Variants in SEMA6A observed in about 807,000 individuals in gnomAD.
SEMA6A encodes the protein semaphorin 6A.
Under a neutral mutation model 96.8 loss-of-function variants are expected in SEMA6A, and 25 were observed. That is an observed-to-expected ratio of 0.26 (90% CI 0.19 to 0.36). SEMA6A has a LOEUF of 0.36. SEMA6A is among the 10% of genes least tolerant of loss of function. The probability of loss-of-function intolerance (pLI) is 1.00; values close to 1 mark genes in which losing one functional copy is unlikely to be tolerated. For synonymous variants in SEMA6A, 612 were observed against 518.0 expected, an observed-to-expected ratio of 1.18 and a Z score of -2.46; for missense variants, 1,363 against 1,323.1, an observed-to-expected ratio of 1.03 and a Z score of -0.47.
rs11955882 is a variant in SEMA6A, at chr5:116,497,431, A to G, written c.219-44T>C. 6.0e-3 allele frequency: 7,375 copies of G among 1,226,298 alleles called. 387 individuals are homozygous for G. The African/African-American group carries it at 0.099, about 16-fold the overall frequency. 76.0% of individuals were successfully genotyped at this position (1,226,298 alleles called of 1,614,324 possible). A position where few individuals can be genotyped will look rare whatever the true frequency, so the allele number is the denominator to read the frequency against. On this transcript the variant is annotated intron_variant, in intron 3 of 18. Coordinates refer to ENST00000343348, the MANE Select transcript of SEMA6A (RefSeq NM_020796.5). ...TAATACAAGGTCAAACACAGAGTCA[A>G]AACAGTTCATTTTCTGCTTAATGAG...
chr5:116,477,121 A>C (rs1756494621), intron 15 of SEMA6A, among the ~76,000 whole-genome samples: 1 of 152,242 alleles, frequency 6.6e-6, no homozygotes, highest in Admixed American at 6.5e-5. Context: ...TGCCTGCCAC[A>C]ACCCATCAAA....
intron 1 of SEMA6A, among the ~76,000 whole-genome samples, chr5:116,531,308 A>G (rs1179828039): frequency 1.3e-5 from 2 of 152,178 alleles, no homozygotes; most frequent in Non-Finnish European, 2.9e-5. Flanking sequence ...CTCAATGACT[A>G]CAACACAAAG....
intron 3 of SEMA6A, among the ~76,000 whole-genome samples, 188 bp downstream of exon 3, chr5:116,502,022 T>G (rs983418624): frequency 6.6e-6 from 1 of 152,214 alleles, no homozygotes; most frequent in Non-Finnish European, 1.5e-5. Flanking sequence ...TCTATTTAAA[T>G]CCACATAGGG....
chr5:116,470,851 G>A (rs1756085804), intron 17 of SEMA6A, among the ~76,000 whole-genome samples: 1 of 152,124 alleles, frequency 6.6e-6, no homozygotes, highest in South Asian at 2.1e-4. Context: ...TTTTACTTTG[G>A]AATTGGCTTT....
In SEMA6A at chr5:116,447,363, C is replaced by A; in HGVS notation, c.2343G>T (p.Gln781His). 6.2e-7 allele frequency: 1 copy of A among 1,614,004 alleles called. No homozygotes were observed. Among genetic ancestry groups the A allele is most frequent in the Non-Finnish European group, 8.5e-7 (1 of 1,179,894 alleles). Residue 781 changes from glutamine to histidine, a missense_variant, in exon 19 of 19, where the codon CAG becomes CAT. This residue lies in a region of SEMA6A where 883 missense variants were observed against 763.6 expected (regional missense o/e 1.16). Coordinates refer to ENST00000343348, the MANE Select transcript of SEMA6A (RefSeq NM_020796.5). ...SRGSREWERN[Q>H]NLINACTKDM... ...CCTTTGTGCAGGCATTGATGAGGTT[C>A]TGGTTCCTCTCCCACTCGCGGCTGC...
chr5:116,501,078 A>G (rs1480267174), intron 3 of SEMA6A, among the ~76,000 whole-genome samples: 4 of 151,954 alleles, frequency 2.6e-5, no homozygotes, highest in Admixed American at 6.5e-5. Flanking sequence ...GAGCCAGGAA[A>G]GACCACAGGG....
chr5:116,448,626 G>C (rs368283526), intron 18 of SEMA6A, among the ~76,000 whole-genome samples: 1 of 152,084 alleles, frequency 6.6e-6, no homozygotes, highest in African/African-American at 2.4e-5. Flanking sequence ...CGGAGCCTCC[G>C]TCTGGGGAAA....
At chr5:116,492,472 C>G (rs974274592) in intron 6 of SEMA6A, 2 of 152,216 alleles carry the variant, frequency 1.3e-5, no homozygotes, top group African/African-American at 4.8e-5. Context: ...TCTTAGACTT[C>G]ACAGCAGCAG....
chr5:116,464,452 C>G (rs1755604841), intron 18 of SEMA6A, among the ~76,000 whole-genome samples: 1 of 152,150 alleles, frequency 6.6e-6, no homozygotes, highest in African/African-American at 2.4e-5. Flanking sequence ...AGGCCAGTTA[C>G]TGAGAGAGAA....
intron 1 of SEMA6A, among the ~76,000 whole-genome samples, chr5:116,573,766 T>TC (rs1761340418): frequency 6.6e-6 from 1 of 151,566 alleles, no homozygotes; most frequent in Admixed American, 6.6e-5. Context: ...CAGAACCCCT[T>TC]CCCCTGCCTT....
intron 6 of SEMA6A, among the ~76,000 whole-genome samples, chr5:116,493,671 C>G (rs1757438448): frequency 6.6e-6 from 1 of 152,096 alleles, no homozygotes; most frequent in African/African-American, 2.4e-5. Context: ...AACAGACCCT[C>G]CCTTCACTGT....
chr5:116,513,892 G>A (rs1477674881), intron 1 of SEMA6A, among the ~76,000 whole-genome samples: 3 of 152,070 alleles, frequency 2.0e-5, no homozygotes, highest in South Asian at 4.2e-4. Context: ...TTGGTTTTCT[G>A]TTCTTGTGTT....
intron 1 of SEMA6A, among the ~76,000 whole-genome samples, chr5:116,523,404 C>G (rs567482277): frequency 6.6e-6 from 1 of 152,168 alleles, no homozygotes; most frequent in African/African-American, 2.4e-5. Context: ...ACCTCCACCT[C>G]TCGGGTTCAA....
intron 6 of SEMA6A, among the ~76,000 whole-genome samples, chr5:116,494,787 G>C (rs1257723721): frequency 1.3e-5 from 2 of 152,214 alleles, no homozygotes; most frequent in Non-Finnish European, 2.9e-5. Flanking sequence ...GTGCAGCCAA[G>C]ACCTCAGATC....
chr5:116,564,501 T>C (rs1454265799), intron 1 of SEMA6A, among the ~76,000 whole-genome samples: 2 of 152,212 alleles, frequency 1.3e-5, no homozygotes, highest in African/African-American at 2.4e-5. Flanking sequence ...AAACATGAAG[T>C]GTACCACTAT....
At chr5:116,537,199 T>G (rs888280541) in intron 1 of SEMA6A, among the ~76,000 whole-genome samples, 1 of 152,152 alleles carries the variant, frequency 6.6e-6, no homozygotes, top group African/African-American at 2.4e-5. Context: ...TCATAATAAA[T>G]ACATTTCTTG....
At chr5:116,496,624 C>T (rs1376529128) in intron 4 of SEMA6A, among the ~76,000 whole-genome samples, 1 of 152,158 alleles carries the variant, frequency 6.6e-6, no homozygotes, top group African/African-American at 2.4e-5. Context: ...ATTAATTTGC[C>T]AAATTATGCT....
chr5:116,488,396 C>T (rs138313620), intron 8 of SEMA6A, among the ~76,000 whole-genome samples, 200 bp from the exon 9 acceptor site: 262 of 152,356 alleles, frequency 1.7e-3, no homozygotes, highest in African/African-American at 5.6e-3. Context: ...TTATCTCTTT[C>T]AGAAGCTTTG....
rs542097216 is a variant in SEMA6A, at chr5:116,443,998, A to G, written c.*2615T>C. The G allele has an allele frequency of 1.3e-5, 2 of 152,380 alleles. No individual in the cohort carries two copies. Among genetic ancestry groups the G allele is most frequent in the Non-Finnish European group, 2.9e-5 (2 of 68,076 alleles). 9.4% of individuals were successfully genotyped at this position (152,380 alleles called of 1,614,324 possible). On this transcript the variant is annotated 3_prime_UTR_variant, in exon 19 of 19. Transcript: ENST00000343348. ...TAACAGCTGAGGCAGTGATGCCTAC[A>G]AACACTGGACAAGACAGCCGCTTAC... is the stretch of plus-strand genomic sequence containing the variant.
Sources: allele counts gnomAD v4.1 joint callset (sites outside exome capture counted in the v4.1 genomes callset), GRCh38; gene constraint gnomAD v4.1.1; regional missense constraint gnomAD v4.1.1; transcripts MANE v1.5; gene names NCBI Gene and HGNC (gene_info 2026-07-23, HGNC 2026-07-21).